The following PDE6A variants were observed in gnomAD, a reference collection of about 807,000 sequenced individuals.
The protein encoded by PDE6A is rod cGMP-specific 3',5'-cyclic phosphodiesterase subunit alpha.
A neutral mutation model predicts 106.3 loss-of-function variants in PDE6A; 84 were observed. That is an observed-to-expected ratio of 0.79 (90% confidence interval 0.66 to 0.95). The LOEUF is 0.95. PDE6A is among the 40% of genes least tolerant of loss of function. The probability of loss-of-function intolerance (pLI) is 0.00; values close to 1 mark genes in which losing one functional copy is unlikely to be tolerated. For missense variants in PDE6A, 1,052 were observed against 1,084.9 expected (o/e 0.97, Z 0.43); for synonymous variants, 394 against 386.6 (o/e 1.02, Z -0.23).
intron 8 of PDE6A, among the ~76,000 whole-genome samples, chr5:149,900,827 G>T (rs1306721043): frequency 2.0e-5 from 3 of 152,086 alleles, no homozygotes; most frequent in Admixed American, 6.6e-5. Flanking sequence ...CCTTCCCTCT[G>T]AAGGCCATGA....
At chr5:149,888,383 G>A (rs1752396378) in intron 13 of PDE6A, among the ~76,000 whole-genome samples, 1 of 151,228 alleles carries the variant, frequency 6.6e-6, no homozygotes, top group African/African-American at 2.4e-5. Context: ...TGGAAATTAA[G>A]GTCACTAAGG....
In PDE6A at chr5:149,886,316, G is replaced by T. The variant is rs1312330946; in HGVS notation, c.1787C>A (p.Ala596Asp). 2.5e-6 allele frequency: 4 copies of T among 1,614,188 alleles called. No individual in the cohort carries two copies. Among genetic ancestry groups the T allele is most frequent in the Non-Finnish European group, 2.5e-6 (3 of 1,180,000 alleles). Reference protein sequence around the residue: ...DLEALAMVTAAFCHDIDHRGT... With the variant: ...DLEALAMVTADFCHDIDHRGT... The stretch of plus-strand genomic sequence containing the variant: ...TCTGTGGTCAATGTCATGGCAGAAA[G>T]CAGCAGTGACCATGGCCAAGGCCTC... Residue 596 changes from alanine to aspartate, a missense_variant, in exon 14 of 22, where the codon GCT becomes GAT. By Grantham distance (126) the Ala-to-Asp change is moderately radical (BLOSUM62 -2). Transcript: ENST00000255266.
At chr5:149,916,705 C>G (rs528782846) in intron 5 of PDE6A, among the ~76,000 whole-genome samples, 1 of 152,116 alleles carries the variant, frequency 6.6e-6, no homozygotes, top group Non-Finnish European at 1.5e-5. Context: ...TATGCCCAAG[C>G]GTGATGAGCA....
intron 13 of PDE6A, among the ~76,000 whole-genome samples, chr5:149,893,811 G>C (rs1210084096): frequency 1.3e-5 from 2 of 152,114 alleles, no homozygotes; most frequent in African/African-American, 4.8e-5. Flanking sequence ...ACTCTGTTCT[G>C]TCTCCCTGAT....
chr5:149,921,641 A>C lies in PDE6A; in HGVS notation c.927T>G (p.Asp309Glu). 6.2e-7 allele frequency: 1 copy of C among 1,612,636 alleles called. No homozygotes were observed. The highest frequency in any genetic ancestry group is 8.5e-7 in the Non-Finnish European group (1 of 1,178,630). ...AAGGTCAGAGAGAACGTACTCTTCC[A>C]TCCGGAGTCCTGGGACCAGAGTAAG... ...VPPYSGPRTP[D>E]GREINFYKVI... The change falls in exon 5 of 22, where the codon GAT becomes GAG. Residue 309 changes from aspartate (D) to glutamate (E), a missense_variant. This residue lies in a region of PDE6A where 913 missense variants were observed against 915.2 expected (regional missense o/e 1.00). Coordinates refer to ENST00000255266, the MANE Select transcript of PDE6A (RefSeq NM_000440.3).
At chr5:149,936,513 T>C (rs1435923246) in intron 1 of PDE6A, among the ~76,000 whole-genome samples, 1 of 152,174 alleles carries the variant, frequency 6.6e-6, no homozygotes, top group Non-Finnish European at 1.5e-5. Context: ...TTCACTTCTT[T>C]CAGGAAAAGC....
chr5:149,905,587 G>A (rs1753150556), intron 7 of PDE6A, among the ~76,000 whole-genome samples: 2 of 152,154 alleles, frequency 1.3e-5, no homozygotes, highest in African/African-American at 4.8e-5. Flanking sequence ...AGCCCTGCCA[G>A]CTTCACCCTC....
At chr5:149,861,786 G>GA (rs915201367) in intron 21 of PDE6A, among the ~76,000 whole-genome samples, 11 of 152,022 alleles carry the variant, frequency 7.2e-5, no homozygotes, top group African/African-American at 2.2e-4. Context: ...AAAAGAAGGA[G>GA]AAAAAAATGT....
intron 12 of PDE6A, 73 bp downstream of exon 12, chr5:149,896,283 T>C: frequency 1.6e-6 from 2 of 1,255,616 alleles, no homozygotes; most frequent in Non-Finnish European, 2.3e-6. Context: ...AGTTTACAGA[T>C]TGAGTCTTTT....
rs1189504076 is a variant in PDE6A, at chr5:149,863,057, C to T, written c.2506+62G>A. 9 of 1,600,000 alleles carry T rather than the reference C, an allele frequency of 5.6e-6. No homozygotes were observed. Among genetic ancestry groups the T allele is most frequent in the African/African-American group, 2.7e-5 (2 of 74,654 alleles). On this transcript the variant is annotated intron_variant, in intron 21 of 21. Coordinates refer to ENST00000255266, the MANE Select transcript of PDE6A (RefSeq NM_000440.3). The surrounding 1 kb of genome is among the most constrained non-coding windows in gnomAD (Gnocchi z 4.7). The stretch of plus-strand genomic sequence containing the variant: ...CCGTGTAAGAGTCTCTGAGGCAGGA[C>T]GCAGACACTGAGTGCTCAGGGAGTG...
rs145208053 is a variant in PDE6A at position 149,911,343 on chromosome 5, A to G, written c.998+3600T>C. 3.6e-3 allele frequency among the ~76,000 whole-genome samples: 550 copies of G among 152,280 alleles called. 1 individual carries two copies. Among genetic ancestry groups the G allele is most frequent in the Non-Finnish European group, 6.2e-3 (421 of 68,012 alleles). The stretch of plus-strand genomic sequence containing the variant: ...AAGAAAAGTAGCTTTAAAATGACCA[A>G]TCTGCTTTTTTGTTCTTTGTTCCTA... On this transcript the variant is annotated intron_variant, in intron 6 of 21. Transcript: ENST00000255266.
chr5:149,896,892 A>ATCAAT, intron 10 of PDE6A, 116 bp from the exon 11 acceptor site: 1 of 1,147,124 alleles, frequency 8.7e-7, no homozygotes, highest in East Asian at 2.4e-5. Flanking sequence ...CAGCTCAAAG[A>ATCAAT]GGATTCCATT....
In PDE6A at chr5:149,863,273, G is replaced by A; in HGVS notation, c.2359-7C>T. On this transcript the variant is annotated splice_polypyrimidine_tract_variant and splice_region_variant and intron_variant, in intron 20 of 21. Transcript: ENST00000255266. The surrounding 1 kb of genome is among the most constrained non-coding windows in gnomAD (Gnocchi z 4.7). Reference sequence around the variant, plus strand: ...CGTGGAAACGGGAGAATTCCTAGAAGAGAGAGTATGTGCCTCTGGTGCAAG... The same window carrying A: ...CGTGGAAACGGGAGAATTCCTAGAAAAGAGAGTATGTGCCTCTGGTGCAAG... 1 of 1,614,166 alleles carries A rather than the reference G, an allele frequency of 6.2e-7. No homozygotes were observed. Among genetic ancestry groups the A allele is most frequent in the Non-Finnish European group, 8.5e-7 (1 of 1,180,008 alleles).
At chr5:149,881,084 A>T (rs895783496) in intron 17 of PDE6A, among the ~76,000 whole-genome samples, 1 of 152,166 alleles carries the variant, frequency 6.6e-6, no homozygotes, top group South Asian at 2.1e-4. Context: ...AAGAAAAGAA[A>T]AATCAAAACA....
intron 1 of PDE6A, among the ~76,000 whole-genome samples, chr5:149,939,695 A>C (rs1754276440): frequency 6.6e-6 from 1 of 152,218 alleles, no homozygotes; most frequent in Non-Finnish European, 1.5e-5. Flanking sequence ...TAGGAAATAA[A>C]CCCAGTCAAG....
At chr5:149,912,117 C>T (rs74418816) in intron 6 of PDE6A, among the ~76,000 whole-genome samples, 11,867 of 152,020 alleles carry the variant, frequency 0.078, 783 homozygotes, top group African/African-American at 0.18. Flanking sequence ...TTCTCCCTCT[C>T]TTTTTTAGTG....
rs1202464825 is a variant in PDE6A, at chr5:149,914,595, A to C, written c.998+348T>G. On this transcript the variant is annotated intron_variant, in intron 6 of 21. Transcript: ENST00000255266. ...AGAGGTAAACGCCAATTTCCCAAAA[A>C]GTCCTGTTCCAGTCTTTAATAGGCA... 1.4e-4 allele frequency among the ~76,000 whole-genome samples: 21 copies of C among 151,490 alleles called. 1 individual carries two copies. The highest frequency in any genetic ancestry group is 1.4e-3 in the Admixed American group (21 of 15,166).
chr5:149,866,884 A>C (rs1189854345), intron 19 of PDE6A: 1 of 154,234 alleles, frequency 6.5e-6, no homozygotes, highest in African/African-American at 2.4e-5. Context: ...ACTGCTGCTA[A>C]TTGTTGGCTG....
In PDE6A at chr5:149,944,268, A is replaced by G. The variant is rs375500044; in HGVS notation, c.406T>C (p.Leu136=). 5 of 1,613,998 alleles carry G rather than the reference A, an allele frequency of 3.1e-6. No homozygotes were observed. In the African/African-American group the frequency reaches 4.0e-5, roughly 13 times the overall value. The change falls in exon 1 of 22, where the codon TTG becomes CTG. Residue 136 remains leucine, a synonymous_variant. Transcript: ENST00000255266. ...ACATGGCCCACGATGCCCATGTCCA[A>G]AGGGAAGACGATCTCTTGGTCGGGC... The part of the protein sequence containing the change: ...VMPDQEIVFP[L]DMGIVGHVAH...
Sources: gnomAD v4.1 joint callset for allele counts (sites outside exome capture counted in the v4.1 genomes callset) on GRCh38, gnomAD v4.1.1 for gene constraint, gnomAD v4.1.1 regional missense constraint, Gnocchi (gnomAD v3.1) non-coding constraint, MANE v1.5 for transcripts, NCBI Gene and HGNC (gene_info 2026-07-23, HGNC 2026-07-21) for gene names.